SPTB: variants seen among roughly 807,000 people sequenced by gnomAD.
SPTB encodes the protein spectrin beta chain, erythrocytic.
In SPTB, 45 loss-of-function variants were observed where a neutral mutation model predicts 256.2. The observed-to-expected ratio is 0.18, with a 90% CI of 0.14 to 0.23. The LOEUF is 0.23. Among genes scored for constraint, SPTB ranks in the 10% least tolerant of loss-of-function variants. SPTB has a pLI of 1.00. For synonymous variants in SPTB, 1,231 were observed against 1,243.1 expected, an observed-to-expected ratio of 0.99 and a Z score of 0.21; for missense variants, 2,715 against 3,040.4, an observed-to-expected ratio of 0.89 and a Z score of 2.52.
chr14:64,801,928 T>C, intron 5 of SPTB, 94 bp from the exon 6 acceptor site: 2 of 1,256,940 alleles, frequency 1.6e-6, no homozygotes, highest in Non-Finnish European at 2.3e-6. Context: ...AGGAGAGAAA[T>C]GGAACTGTCC....
Position 64,807,937 on chromosome 14 carries a change from G to A in SPTB, c.149-2847C>T, listed in dbSNP as rs2083015851. 6.6e-6 allele frequency among the ~76,000 whole-genome samples: 1 copy of A among 152,244 alleles called. No homozygotes were observed. The highest frequency in any genetic ancestry group is 6.5e-5 in the Admixed American group (1 of 15,286). ...TTTCCAGAGCCCTAACCCTGCCAGTGCAGGAAGGGGGTGAGTCCACCAGCA... is the reference window on the plus strand; with the variant it reads ...TTTCCAGAGCCCTAACCCTGCCAGTACAGGAAGGGGGTGAGTCCACCAGCA... On this transcript the variant is annotated intron_variant, in intron 2 of 35. Transcript: ENST00000644917. This position sits in a 1 kb window ranked among gnomAD's most constrained non-coding sequence, Gnocchi z 4.7.
At chr14:64,829,657 C>T (rs1465071201) in intron 1 of SPTB, among the ~76,000 whole-genome samples, 1 of 152,180 alleles carries the variant, frequency 6.6e-6, no homozygotes, top group African/African-American at 2.4e-5. Context: ...GAGTGATCTA[C>T]TTATGGGGGT....
rs1025561185 is a variant in SPTB, at chr14:64,772,350, G to A, written c.5553+230C>T. On this transcript the variant is annotated intron_variant, in intron 26 of 35. Coordinates refer to ENST00000644917, the MANE Select transcript of SPTB (RefSeq NM_001355436.2). The surrounding 1 kb of genome is among the most constrained non-coding windows in gnomAD (Gnocchi z 5.4). Reference sequence around the variant, plus strand: ...CTGCACAACTGGAGAAACTGCAACCGTATAGTATTGTATGCATTGGCCTTT... The same window carrying A: ...CTGCACAACTGGAGAAACTGCAACCATATAGTATTGTATGCATTGGCCTTT... Among the ~76,000 whole-genome samples the A allele has an allele frequency of 4.0e-4, 61 of 152,196 alleles. No homozygotes were observed. The highest frequency in any genetic ancestry group is 3.9e-3 in the Admixed American group (59 of 15,276).
chr14:64,749,779 CCT>C lies in SPTB; in HGVS notation c.6777-85_6777-84del, dbSNP rs1379861345. 1.3e-6 allele frequency: 2 copies of C among 1,559,130 alleles called. No homozygotes were observed. Among genetic ancestry groups the C allele is most frequent in the African/African-American group, 1.4e-5 (1 of 73,444 alleles). ...AGGGCTGGCTCTGATCCCACAATAC[CCT>C]GAGCCGAACATCCAGACCCCTCTCA... On this transcript the variant is annotated intron_variant, in intron 34 of 35. Coordinates refer to ENST00000644917, the MANE Select transcript of SPTB (RefSeq NM_001355436.2). This position sits in a 1 kb window ranked among gnomAD's most constrained non-coding sequence, Gnocchi z 4.7.
chr14:64,827,213 C>G lies in SPTB; in HGVS notation c.-51-4068G>C, dbSNP rs1445329030. ...AGGCAGCTGTTCTCTTTTCTCCATC[C>G]TCTAGTCCCCCAACAAAGTAAACAG... is the stretch of plus-strand genomic sequence containing the variant. On this transcript the variant is annotated intron_variant, in intron 1 of 35. Transcript: ENST00000644917. The surrounding 1 kb of genome is among the most constrained non-coding windows in gnomAD (Gnocchi z 4.6). Among the ~76,000 whole-genome samples, 1 of 152,170 alleles carries G rather than the reference C, an allele frequency of 6.6e-6. No homozygotes were observed. The highest frequency in any genetic ancestry group is 6.5e-5 in the Admixed American group (1 of 15,284).
intron 24 of SPTB, among the ~76,000 whole-genome samples, chr14:64,773,761 GGCTCCCGCAGCAACA>G (rs2082314045): frequency 6.6e-6 from 1 of 152,154 alleles, no homozygotes; most frequent in South Asian, 2.1e-4. Context: ...ACCTGAGTGG[GGCTCCCGCAGCAACA>G]GCTCTGCTCA....
At chr14:64,843,655 C>T (rs760021640) in intron 1 of SPTB, among the ~76,000 whole-genome samples, 5 of 152,190 alleles carry the variant, frequency 3.3e-5, no homozygotes, top group Non-Finnish European at 5.9e-5. Context: ...CTGGCGGCTG[C>T]TTTCTTTGAA....
In SPTB at chr14:64,786,643, C is replaced by T; in HGVS notation, c.3322G>A (p.Asp1108Asn). 2 of 1,614,162 alleles carry T rather than the reference C, an allele frequency of 1.2e-6. No homozygotes were observed. Among genetic ancestry groups the T allele is most frequent in the Non-Finnish European group, 1.7e-6 (2 of 1,179,994 alleles). ...CTGTCTTGGTGCCCGTCAATCTCAT[C>T]CTTGATACCTGCATGCTGCTGCAGG... ...QLLQQHAGIK[D>N]EIDGHQDSYQ... is the part of the protein sequence containing the mutation. The change falls in exon 16 of 36, where the codon GAT (aspartate) becomes AAT (asparagine). Residue 1108 changes from aspartate to asparagine, a missense_variant. Physicochemically the swap from Asp to Asn is conservative, Grantham distance 23 (BLOSUM62 1). This residue lies in a region of SPTB where 2,239 missense variants were observed against 2,384.4 expected (regional missense o/e 0.94). Coordinates refer to ENST00000644917, the MANE Select transcript of SPTB (RefSeq NM_001355436.2). The surrounding 1 kb of genome is among the most constrained non-coding windows in gnomAD (Gnocchi z 5.6).
intron 1 of SPTB, among the ~76,000 whole-genome samples, chr14:64,857,973 T>C (rs947745108): frequency 5.3e-5 from 8 of 152,196 alleles, no homozygotes; most frequent in African/African-American, 1.9e-4. Flanking sequence ...CTGACACACA[T>C]TTTTATCCAC....
At chr14:64,879,167 G>A (rs1444163914) in intron 1 of SPTB, among the ~76,000 whole-genome samples, 1 of 152,160 alleles carries the variant, frequency 6.6e-6, no homozygotes, top group African/African-American at 2.4e-5. Flanking sequence ...AAGACTAGGG[G>A]TCCTTGAAGT....
At chr14:64,804,042 A>C (rs1039567385) in intron 3 of SPTB, among the ~76,000 whole-genome samples, 1 of 152,234 alleles carries the variant, frequency 6.6e-6, no homozygotes, top group African/African-American at 2.4e-5. Context: ...AGTGGGCAAT[A>C]AACGGCATTT....
At chr14:64,874,633 G>C (rs1339526469) in intron 1 of SPTB, among the ~76,000 whole-genome samples, 1 of 152,196 alleles carries the variant, frequency 6.6e-6, no homozygotes, top group Non-Finnish European at 1.5e-5. Flanking sequence ...ACTCAAAAGA[G>C]GGACAGAATA....
rs1363002080 is a variant in SPTB at position 64,826,877 on chromosome 14, G to T, written c.-51-3732C>A. Among the ~76,000 whole-genome samples the T allele has an allele frequency of 3.9e-5, 6 of 152,152 alleles. No individual in the cohort carries two copies. The highest frequency in any genetic ancestry group is 3.9e-4 in the Admixed American group (6 of 15,276). ...ATATTTTGAGTAGGATGGGACCTGA[G>T]AAGGCTTGCCCACAGCTCAGCACTG... On this transcript the variant is annotated intron_variant, in intron 1 of 35. Transcript: ENST00000644917. This position sits in a 1 kb window ranked among gnomAD's most constrained non-coding sequence, Gnocchi z 4.4.
At position 64,824,844 on chromosome 14, in the gene SPTB, T is replaced by C. The variant is rs562389554; in HGVS notation, c.-51-1699A>G. Among the ~76,000 whole-genome samples, 2 of 152,200 alleles carry C rather than the reference T, an allele frequency of 1.3e-5. No homozygotes were observed. The highest frequency in any genetic ancestry group is 2.9e-5 in the Non-Finnish European group (2 of 68,024). ...TTTCAGATACAGACTCACTTCAGAC[T>C]GCATTTTCCCCAACCTGATGAATCC... On this transcript the variant is annotated intron_variant, in intron 1 of 35. Coordinates refer to ENST00000644917, the MANE Select transcript of SPTB (RefSeq NM_001355436.2). This position sits in a 1 kb window ranked among gnomAD's most constrained non-coding sequence, Gnocchi z 5.7.
rs746722532 is a variant in SPTB at position 64,775,200 on chromosome 14, G to A, written c.4767C>T (p.Tyr1589=). The change falls in exon 23 of 36, where the codon TAC becomes TAT. Residue 1589 remains tyrosine (Y), a synonymous_variant. Coordinates refer to ENST00000644917, the MANE Select transcript of SPTB (RefSeq NM_001355436.2). This position sits in a 1 kb window ranked among gnomAD's most constrained non-coding sequence, Gnocchi z 5.0. ...CCTCAGCCTCGTCTGCATCCAGGTA[G>A]TACTGCTGTGCCTCGTTGGCGTCCC... ...RLRDANEAQQ[Y]YLDADEAEAW... is the part of the protein sequence containing the mutation. 4 of 1,613,802 alleles carry A rather than the reference G, an allele frequency of 2.5e-6. No individual in the cohort carries two copies. Among genetic ancestry groups the A allele is most frequent in the African/African-American group, 2.7e-5 (2 of 74,944 alleles).
rs868365863 is a variant in SPTB at position 64,772,369 on chromosome 14, G to A, written c.5553+211C>T. Among the ~76,000 whole-genome samples the A allele has an allele frequency of 3.3e-4, 50 of 152,308 alleles. No individual in the cohort carries two copies. The highest frequency in any genetic ancestry group is 1.1e-3 in the African/African-American group (47 of 41,560). ...GCAACCGTATAGTATTGTATGCATT[G>A]GCCTTTTGTGAGGATTCAGTTTAAA... On this transcript the variant is annotated intron_variant, in intron 26 of 35. Coordinates refer to ENST00000644917, the MANE Select transcript of SPTB (RefSeq NM_001355436.2). This position sits in a 1 kb window ranked among gnomAD's most constrained non-coding sequence, Gnocchi z 5.4.
chr14:64,766,672 G>T (rs1388242154), intron 32 of SPTB, 54 bp downstream of exon 32: 2 of 1,613,430 alleles, frequency 1.2e-6, no homozygotes, highest in South Asian at 2.2e-5. Flanking sequence ...AGGGGTGAGA[G>T]GGCTCTGGCT....
chr14:64,748,841 CTTTCCCT>C lies in SPTB; in HGVS notation c.*458_*464del, dbSNP rs1213625746. On this transcript the variant is annotated 3_prime_UTR_variant, in exon 36 of 36. Transcript: ENST00000644917. ...ATTTCCAGTGTCTTCTTCCTTTCCC[CTTTCCCT>C]GGCTGCCACCAGGTGGGAGGTGACC... 2 of 170,742 alleles carry C rather than the reference CTTTCCCT, an allele frequency of 1.2e-5. No individual in the cohort carries two copies. Among genetic ancestry groups the C allele is most frequent in the Non-Finnish European group, 2.5e-5 (2 of 81,228 alleles). The allele number at this position is 170,742 out of a possible 1,614,324, so 10.6% of individuals were successfully genotyped here.
At chr14:64,874,285 A>G (rs1406994817) in intron 1 of SPTB, among the ~76,000 whole-genome samples, 1 of 152,144 alleles carries the variant, frequency 6.6e-6, no homozygotes, top group Admixed American at 6.5e-5. Flanking sequence ...CCCAACCTGA[A>G]TGAGATGTTT....
Sources: gnomAD v4.1 joint callset for allele counts (sites outside exome capture counted in the v4.1 genomes callset) on GRCh38, gnomAD v4.1.1 for gene constraint, gnomAD v4.1.1 regional missense constraint, Gnocchi (gnomAD v3.1) non-coding constraint, MANE v1.5 for transcripts, NCBI Gene and HGNC (gene_info 2026-07-23, HGNC 2026-07-21) for gene names.